IWS1: variants seen among roughly 807,000 people sequenced by gnomAD.
IWS1 encodes interacts with SUPT6H, CTD assembly factor 1.
Under a neutral mutation model 86.7 loss-of-function variants are expected in IWS1, and 27 were observed. The observed-to-expected ratio is 0.31, with a 90% confidence interval of 0.23 to 0.43. The LOEUF (loss-of-function observed/expected upper bound fraction) is 0.43, where lower values mean the gene tolerates loss of function less well. Among genes scored for constraint, IWS1 ranks in the 20% least tolerant of loss-of-function variants. The probability of loss-of-function intolerance (pLI) is 1.00; values close to 1 mark genes in which losing one functional copy is unlikely to be tolerated. For synonymous variants in IWS1, 313 were observed against 335.1 expected, an observed-to-expected ratio of 0.93 and a Z score of 0.72; for missense variants, 827 against 1,000.8, an observed-to-expected ratio of 0.83 and a Z score of 2.34.
intron 5 of IWS1, among the ~76,000 whole-genome samples, chr2:127,501,447 G>A (rs1456610728): frequency 1.3e-5 from 2 of 152,048 alleles, no homozygotes; most frequent in Non-Finnish European, 2.9e-5. Context: ...CTTGCAATGT[G>A]TACAACTTCG....
At chr2:127,495,673 A>G (rs1403312816) in intron 7 of IWS1, among the ~76,000 whole-genome samples, 3 of 152,252 alleles carry the variant, frequency 2.0e-5, no homozygotes, top group Non-Finnish European at 4.4e-5. Flanking sequence ...AGAACGACAC[A>G]TGAATTTGTA....
intron 3 of IWS1, among the ~76,000 whole-genome samples, chr2:127,504,405 GT>G (rs923821275): frequency 2.7e-5 from 4 of 149,610 alleles, no homozygotes; most frequent in African/African-American, 7.5e-5. Context: ...ACCTCTTCCA[GT>G]TTTAAAAAAA....
intron 7 of IWS1, 128 bp from the exon 8 acceptor site, chr2:127,495,082 T>C (rs2104676643): frequency 1.7e-6 from 1 of 587,428 alleles, no homozygotes. Context: ...GAAAGAATAA[T>C]TTAAGATGGA....
At chr2:127,520,070 T>G (rs1363285636) in intron 2 of IWS1, among the ~76,000 whole-genome samples, 1 of 152,226 alleles carries the variant, frequency 6.6e-6, no homozygotes, top group Non-Finnish European at 1.5e-5. Context: ...TAATTTTTCG[T>G]TGTTTTAAGC....
intron 2 of IWS1, among the ~76,000 whole-genome samples, chr2:127,515,864 T>C (rs1190938585): frequency 6.6e-6 from 1 of 152,076 alleles, no homozygotes; most frequent in South Asian, 2.1e-4. Context: ...AGGGCTTCCT[T>C]CCCAGGAAGA....
chr2:127,523,611 A>G (rs1234078775), intron 2 of IWS1, 65 bp downstream of exon 2: 10 of 1,020,324 alleles, frequency 9.8e-6, no homozygotes, highest in East Asian at 2.4e-5. Flanking sequence ...TGTAACTCCT[A>G]TAATATAACA....
At chr2:127,522,188 A>T (rs1361358869) in intron 2 of IWS1, among the ~76,000 whole-genome samples, 1 of 152,142 alleles carries the variant, frequency 6.6e-6, no homozygotes, top group Non-Finnish European at 1.5e-5. Context: ...TGGCTCCTTG[A>T]AGATATCAAG....
intron 3 of IWS1, among the ~76,000 whole-genome samples, chr2:127,503,998 T>C (rs1690962629): frequency 6.6e-6 from 1 of 152,246 alleles, no homozygotes; most frequent in African/African-American, 2.4e-5. Context: ...TCCTCTATCA[T>C]TGCTGGTCAG....
rs1401654402 is a variant in IWS1, at chr2:127,489,350, A to G, written c.2160-115T>C. ...ACTATTAATAGCTCTTTTACGATGG[A>G]TCAGGGAAAATAATTCCTAATCTTT... On this transcript the variant is annotated intron_variant, in intron 11 of 13. Coordinates refer to ENST00000295321, the MANE Select transcript of IWS1 (RefSeq NM_017969.3). The surrounding 1 kb of genome is among the most constrained non-coding windows in gnomAD (Gnocchi z 4.8). 1 of 681,656 alleles carries G rather than the reference A, an allele frequency of 1.5e-6. No homozygotes were observed. Among genetic ancestry groups the G allele is most frequent in the Non-Finnish European group, 2.6e-6 (1 of 388,958 alleles). The allele number at this position is 681,656 out of a possible 1,614,324, so 42.2% of individuals were successfully genotyped here. A position where few individuals can be genotyped will look rare whatever the true frequency, so the allele number is the denominator to read the frequency against.
At chr2:127,486,958 C>A (rs1030929935) in intron 12 of IWS1, among the ~76,000 whole-genome samples, 1 of 152,194 alleles carries the variant, frequency 6.6e-6, no homozygotes, top group Non-Finnish European at 1.5e-5. Context: ...CCTCTGCCTT[C>A]CAAGGCTAGT....
intron 2 of IWS1, among the ~76,000 whole-genome samples, chr2:127,508,673 A>G (rs181660713): frequency 2.0e-5 from 3 of 152,316 alleles, no homozygotes; most frequent in Non-Finnish European, 4.4e-5. Flanking sequence ...GTACCAACGC[A>G]GCACAGAGAG....
At chr2:127,483,451 G>GA (rs1314219886) in intron 13 of IWS1, among the ~76,000 whole-genome samples, 7 of 147,250 alleles carry the variant, frequency 4.8e-5, no homozygotes, top group African/African-American at 7.7e-5. Flanking sequence ...TACAAAGAAA[G>GA]AAAATACATA....
rs767119157 is a variant in IWS1, at chr2:127,486,589, G to C, written c.2292C>G (p.Val764=). 6.2e-7 allele frequency: 1 copy of C among 1,614,020 alleles called. No individual in the cohort carries two copies. Among genetic ancestry groups the C allele is most frequent in the Non-Finnish European group, 8.5e-7 (1 of 1,179,912 alleles). Reference sequence around the variant, plus strand: ...CCATTTCCACATTCCATTTGGGCCTGACAACATAGTCCTTGTTTGAAGGCA... The same window carrying C: ...CCATTTCCACATTCCATTTGGGCCTCACAACATAGTCCTTGTTTGAAGGCA... The part of the protein sequence containing the change: ...VPMPSNKDYV[V]RPKWNVEMES... The change falls in exon 13 of 14, where the codon GTC becomes GTG. Residue 764 remains valine (V), a synonymous_variant. Coordinates refer to ENST00000295321, the MANE Select transcript of IWS1 (RefSeq NM_017969.3).
At position 127,496,548 on chromosome 2, in the gene IWS1, C is replaced by CAT. The variant is rs1218530545; in HGVS notation, c.1566-402_1566-401dup. Among the ~76,000 whole-genome samples, 4 of 118,924 alleles carry CAT rather than the reference C, an allele frequency of 3.4e-5. No homozygotes were observed. The East Asian group carries it at 9.6e-4, about 29-fold the overall frequency. The allele number at this position is 118,924 out of a possible 152,430, so 78.0% of individuals were successfully genotyped here. ...TCTAAACAGGTGTACCATATTTTAT[C>CAT]ATACACACACACACACACACACACA... is the stretch of plus-strand genomic sequence containing the variant. On this transcript the variant is annotated intron_variant, in intron 6 of 13. Transcript: ENST00000295321.
Position 127,526,345 on chromosome 2 carries a change from G to A in IWS1, c.-137C>T, listed in dbSNP as rs921827082. On this transcript the variant is annotated 5_prime_UTR_variant, in exon 1 of 14. Coordinates refer to ENST00000295321, the MANE Select transcript of IWS1 (RefSeq NM_017969.3). ...ACCGGAGAACTTAACGGGTGCGGAG[G>A]GTAAGAAAGCGGTAGCGGCAAAGGC... 2.0e-6 allele frequency: 3 copies of A among 1,538,056 alleles called. No individual in the cohort carries two copies. The highest frequency in any genetic ancestry group is 2.0e-5 in the Admixed American group (1 of 51,002).
intron 2 of IWS1, chr2:127,511,195 C>A (rs1691431186): frequency 6.6e-6 from 1 of 152,200 alleles, no homozygotes; most frequent in Non-Finnish European, 1.5e-5. Context: ...CTTTGTGCAA[C>A]ATAATGTGAC....
intron 6 of IWS1, among the ~76,000 whole-genome samples, chr2:127,497,200 T>C (rs1293420281): frequency 6.6e-6 from 1 of 152,234 alleles, no homozygotes; most frequent in African/African-American, 2.4e-5. Flanking sequence ...TACTACCCTG[T>C]TATATATACA....
Position 127,493,340 on chromosome 2 carries a change from G to A in IWS1, c.1870C>T (p.Pro624Ser). Residue 624 changes from proline (P) to serine (S), a missense_variant, in exon 9 of 14, where the codon CCA becomes TCA. By Grantham distance (74) the Pro-to-Ser change is moderately conservative. This residue lies in a region of IWS1 where 279 missense variants were observed against 440.6 expected (regional missense o/e 0.63). Transcript: ENST00000295321. ...TTGAGTGCAGGCAAACTCCTATCTG[G>A]TAGAGGTGAGAGCCATTCTTTGATG... ...SAIKEWLSPL[P>S]DRSLPALKIR... 1 of 1,613,672 alleles carries A rather than the reference G, an allele frequency of 6.2e-7. No individual in the cohort carries two copies. The highest frequency in any genetic ancestry group is 8.5e-7 in the Non-Finnish European group (1 of 1,179,826).
rs1223220774 is a variant in IWS1, at chr2:127,502,802, A to G, written c.1467+13T>C. ...GCACAATCAAGGAGGAAATATTTCC[A>G]TCTTATACTTACTGTAAATTCTTCT... On this transcript the variant is annotated intron_variant, in intron 5 of 13. Coordinates refer to ENST00000295321, the MANE Select transcript of IWS1 (RefSeq NM_017969.3). 5 of 1,446,962 alleles carry G rather than the reference A, an allele frequency of 3.5e-6. No homozygotes were observed. The highest frequency in any genetic ancestry group is 4.8e-6 in the Non-Finnish European group (5 of 1,031,988). 89.6% of individuals were successfully genotyped at this position (1,446,962 alleles called of 1,614,324 possible).
Sources: gnomAD v4.1 joint callset for allele counts (sites outside exome capture counted in the v4.1 genomes callset) on GRCh38, gnomAD v4.1.1 for gene constraint, gnomAD v4.1.1 regional missense constraint, Gnocchi (gnomAD v3.1) non-coding constraint, MANE v1.5 for transcripts, NCBI Gene and HGNC (gene_info 2026-07-23, HGNC 2026-07-21) for gene names.